Variants in HHLA1 observed in about 807,000 individuals in gnomAD.
The protein encoded by HHLA1 is HHLA1 neighbor of OC90.
In HHLA1, 72 loss-of-function variants were observed where a neutral mutation model predicts 69.9. That is an observed-to-expected ratio of 1.03 (90% confidence interval 0.85 to 1.25). The LOEUF is 1.25. Among genes scored for constraint, HHLA1 ranks in the 50% most tolerant of loss-of-function variants. The pLI, the probability that HHLA1 is intolerant of heterozygous loss-of-function variation, is 0.00. For synonymous variants in HHLA1, 252 were observed against 233.2 expected, an observed-to-expected ratio of 1.08 and a Z score of -0.73; for missense variants, 685 against 642.2, an observed-to-expected ratio of 1.07 and a Z score of -0.72.
Position 132,076,523 on chromosome 8 carries a change from G to A in HHLA1, c.1192C>T (p.Gln398Ter), listed in dbSNP as rs1405696788. Residue 398 changes from glutamine to a stop codon, truncating the protein, a stop_gained, in exon 13 of 17, where the codon CAG becomes TAG. Transcript: ENST00000414222. LOFTEE classifies it high-confidence loss of function. ...PTLGAFTHGTQTPSPTKATAP... is the reference protein window; with the variant it reads ...PTLGAFTHGT Reference sequence around the variant, plus strand: ...GTTGCCTTGGTTGGACTCGGAGTCTGTGTGCCATGGGTGAATGCTCCTGGG... The same window carrying A: ...GTTGCCTTGGTTGGACTCGGAGTCTATGTGCCATGGGTGAATGCTCCTGGG... The A allele has an allele frequency of 1.3e-6, 2 of 1,535,718 alleles. No individual in the cohort carries two copies. Among genetic ancestry groups the A allele is most frequent in the African/African-American group, 1.4e-5 (1 of 71,792 alleles).
chr8:132,109,367 G>A (rs998857569), intron 1 of HHLA1, among the ~76,000 whole-genome samples: 1 of 152,176 alleles, frequency 6.6e-6, no homozygotes, highest in Admixed American at 6.5e-5. Flanking sequence ...TTGCAGGCGT[G>A]AGCCACTGTG....
At chr8:132,076,621 T>TCCTG in intron 12 of HHLA1, 78 bp from the exon 13 acceptor site, 1 of 883,090 alleles carries the variant, frequency 1.1e-6, no homozygotes, top group East Asian at 3.1e-5. Flanking sequence ...GGGCCACCTA[T>TCCTG]CCTGCCCTAT....
intron 11 of HHLA1, among the ~76,000 whole-genome samples, chr8:132,078,728 A>AAG (rs1242694715): frequency 6.6e-6 from 1 of 152,176 alleles, no homozygotes; most frequent in Non-Finnish European, 1.5e-5. Flanking sequence ...GAGCTCAGGA[A>AAG]AGAGAGAGAA....
chr8:132,078,957 T>C (rs1297215319), intron 11 of HHLA1, among the ~76,000 whole-genome samples: 3 of 152,224 alleles, frequency 2.0e-5, no homozygotes, highest in South Asian at 2.1e-4. Context: ...TTAGGTTACA[T>C]GTGCACAACT....
chr8:132,090,076 A>G (rs183155117), intron 7 of HHLA1, among the ~76,000 whole-genome samples: 6 of 152,368 alleles, frequency 3.9e-5, no homozygotes, highest in African/African-American at 1.4e-4. Context: ...TAGAGACAAG[A>G]CAAGACACTT....
Position 132,076,513 on chromosome 8 carries a change from C to T in HHLA1, c.1202G>A (p.Ser401Asn), listed in dbSNP as rs1823646230. The T allele has an allele frequency of 2.0e-6, 3 of 1,474,776 alleles. No individual in the cohort carries two copies. Among genetic ancestry groups the T allele is most frequent in the Non-Finnish European group, 2.7e-6 (3 of 1,102,656 alleles). 91.4% of individuals were successfully genotyped at this position (1,474,776 alleles called of 1,614,324 possible). The change falls in exon 13 of 17, where the codon AGT (serine) becomes AAT (asparagine). Residue 401 changes from serine to asparagine, a missense_variant. Transcript: ENST00000414222. ...TCTGGGGGCTGTTGCCTTGGTTGGA[C>T]TCGGAGTCTGTGTGCCATGGGTGAA... ...GAFTHGTQTP[S>N]PTKATAPRYP...
At chr8:132,103,849 GA>G (rs1824156939) in intron 3 of HHLA1, among the ~76,000 whole-genome samples, 1 of 152,160 alleles carries the variant, frequency 6.6e-6, no homozygotes, top group Non-Finnish European at 1.5e-5. Flanking sequence ...CAAAGGTGAT[GA>G]TGGCAAGTAA....
chr8:132,079,858 G>T lies in HHLA1; in HGVS notation c.785C>A (p.Ser262Tyr), dbSNP rs756674684. ...GHWTQSTPWA[S>Y]ALRSSPWTET... ...TGTCCAGGGAGAGGATCTCAGAGCA[G>T]ATGCCCAGGGTGTGCTCTGGGTCCA... Residue 262 changes from serine (S) to tyrosine (Y), a missense_variant, in exon 11 of 17, where the codon TCT (serine) becomes TAT (tyrosine). By Grantham distance (144) the Ser-to-Tyr change is moderately radical. Transcript: ENST00000414222. 3 of 1,551,990 alleles carry T rather than the reference G, an allele frequency of 1.9e-6. No homozygotes were observed. Among genetic ancestry groups the T allele is most frequent in the Admixed American group, 3.9e-5 (2 of 51,008 alleles).
At chr8:132,076,003 C>A in intron 14 of HHLA1, 52 bp downstream of exon 14, 1 of 1,301,442 alleles carries the variant, frequency 7.7e-7, no homozygotes, top group Non-Finnish European at 1.1e-6. Context: ...TACTACATGA[C>A]CTTGTTCAAA....
chr8:132,071,477 G>C lies in HHLA1; in HGVS notation c.1332C>G (p.Leu444=). The C allele has an allele frequency of 6.4e-7, 1 of 1,551,576 alleles. No individual in the cohort carries two copies. Among genetic ancestry groups the C allele is most frequent in the Non-Finnish European group, 8.7e-7 (1 of 1,146,896 alleles). The change falls in exon 15 of 17, where the codon CTC becomes CTG. Residue 444 remains leucine (L), a synonymous_variant. Coordinates refer to ENST00000414222, the MANE Select transcript of HHLA1 (RefSeq NM_001145095.3). ...CAGCTGCCATAGCTCCCACCTTGAA[G>C]AGTGGCTGAGGACACCCTAGAAGAT... is the stretch of plus-strand genomic sequence containing the variant. ...PHQVSRCPQP[L]FKVGAMAAAP...
At chr8:132,070,610 A>C (rs2130876611) in intron 15 of HHLA1, among the ~76,000 whole-genome samples, 1 of 152,042 alleles carries the variant, frequency 6.6e-6, no homozygotes, top group Non-Finnish European at 1.5e-5. Flanking sequence ...ACTCATCTCA[A>C]CTCAACACAG....
intron 5 of HHLA1, among the ~76,000 whole-genome samples, chr8:132,098,640 T>C (rs968011851): frequency 6.6e-6 from 1 of 151,970 alleles, no homozygotes; most frequent in South Asian, 2.1e-4. Flanking sequence ...TTTTGTATTT[T>C]TTGTAAAGAT....
chr8:132,109,214 C>T (rs2130903949), intron 1 of HHLA1, among the ~76,000 whole-genome samples: 1 of 152,206 alleles, frequency 6.6e-6, no homozygotes, highest in African/African-American at 2.4e-5. Context: ...ACCATCTTGG[C>T]CAGGCTGGTC....
chr8:132,077,931 G>C lies in HHLA1; in HGVS notation c.966C>G (p.Asp322Glu). ...ACGATATGGAAGCCCACGTCTGTCT[G>C]TCAGCTGTCAACCACTGAGTTCTGG... ...RVARTQWLTA[D>E]RQTWASISSV... is the part of the protein sequence containing the mutation. Residue 322 changes from aspartate (D) to glutamate (E), a missense_variant, in exon 12 of 17, where the codon GAC (aspartate) becomes GAG (glutamate). Coordinates refer to ENST00000414222, the MANE Select transcript of HHLA1 (RefSeq NM_001145095.3). 6.4e-7 allele frequency: 1 copy of C among 1,551,582 alleles called. No individual in the cohort carries two copies. The highest frequency in any genetic ancestry group is 8.7e-7 in the Non-Finnish European group (1 of 1,146,926).
At chr8:132,086,753 A>G (rs919901750) in intron 10 of HHLA1, among the ~76,000 whole-genome samples, 1 of 152,210 alleles carries the variant, frequency 6.6e-6, no homozygotes, top group Non-Finnish European at 1.5e-5. Flanking sequence ...TCATCTTCTT[A>G]TCAAGTAGTC....
intron 10 of HHLA1, among the ~76,000 whole-genome samples, chr8:132,084,075 C>G (rs1823815139): frequency 1.3e-5 from 2 of 152,000 alleles, no homozygotes; most frequent in Admixed American, 1.3e-4. Flanking sequence ...TAAATGCTAT[C>G]TGATTTGGGA....
At position 132,062,814 on chromosome 8, in the gene HHLA1, A is replaced by T. The variant is rs1823375682; in HGVS notation, c.*1181T>A. 1 of 152,266 alleles carries T rather than the reference A, an allele frequency of 6.6e-6. No individual in the cohort carries two copies. The highest frequency in any genetic ancestry group is 2.4e-5 in the African/African-American group (1 of 41,462). The allele number at this position is 152,266 out of a possible 1,614,324, so 9.4% of individuals were successfully genotyped here. On this transcript the variant is annotated 3_prime_UTR_variant, in exon 17 of 17. Coordinates refer to ENST00000414222, the MANE Select transcript of HHLA1 (RefSeq NM_001145095.3). ...CTCAAATCCTGCACCTTTCAGAGGA[A>T]CATCTGGTCCTTGACCAGCTCCTGG...
At chr8:132,102,027 C>T (rs954416402) in intron 3 of HHLA1, among the ~76,000 whole-genome samples, 5 of 152,200 alleles carry the variant, frequency 3.3e-5, no homozygotes, top group African/African-American at 9.6e-5. Flanking sequence ...CCCTGGTGAG[C>T]ACCTTTCTAT....
intron 15 of HHLA1, among the ~76,000 whole-genome samples, 171 bp downstream of exon 15, chr8:132,071,169 A>G (rs1022524240): frequency 6.6e-6 from 1 of 152,212 alleles, no homozygotes; most frequent in African/African-American, 2.4e-5. Context: ...AATCTCAAGG[A>G]TGTGACTGTC....
Sources: allele counts gnomAD v4.1 joint callset (sites outside exome capture counted in the v4.1 genomes callset), GRCh38; gene constraint gnomAD v4.1.1; transcripts MANE v1.5; gene names NCBI Gene and HGNC (gene_info 2026-07-23, HGNC 2026-07-21).